The following ABCA13 variants were observed in gnomAD, a reference collection of about 807,000 sequenced individuals.
ABCA13 encodes ATP binding cassette subfamily A member 13.
In ABCA13, 476 loss-of-function variants were observed where a neutral mutation model predicts 478.7. The ratio of observed to expected loss-of-function variants is 0.99; its 90% CI spans 0.92 to 1.07. The LOEUF (loss-of-function observed/expected upper bound fraction) is 1.07, where lower values mean the gene tolerates loss of function less well. Ranked by LOEUF, ABCA13 falls within the 50% of genes least tolerant of loss-of-function variation. The pLI is 0.00. For missense variants in ABCA13, 6,060 were observed against 5,910.6 expected (o/e 1.03, Z -0.83); for synonymous variants, 2,252 against 2,158.9 (o/e 1.04, Z -1.20).
intron 41 of ABCA13, among the ~76,000 whole-genome samples, chr7:48,414,224 C>T (rs770840518): frequency 8.5e-5 from 13 of 152,200 alleles, no homozygotes; most frequent in Non-Finnish European, 1.8e-4. Context: ...GCCTCTGCAG[C>T]GGATTCCCAG....
Position 48,338,319 on chromosome 7 carries a change from C to T in ABCA13, c.10114-46C>T, listed in dbSNP as rs200139503. The T allele has an allele frequency of 1.6e-3, 2,169 of 1,344,156 alleles. 18 individuals carry two copies. Among genetic ancestry groups the T allele is most frequent in the Non-Finnish European group, 1.7e-3 (1,648 of 981,058 alleles). The allele number at this position is 1,344,156 out of a possible 1,614,324, so 83.3% of individuals were successfully genotyped here. The stretch of plus-strand genomic sequence containing the variant: ...GTCTAATAAGTATTATTCAATAATA[C>T]GAAATAATGCAATTATTTTTATTAA... On this transcript the variant is annotated intron_variant, in intron 28 of 61. Transcript: ENST00000435803.
chr7:48,622,090 C>T (rs928762338), intron 59 of ABCA13, among the ~76,000 whole-genome samples: 7 of 152,092 alleles, frequency 4.6e-5, no homozygotes, highest in African/African-American at 1.7e-4. Context: ...CCCTTATGAC[C>T]CTCTGGCCTA....
At chr7:48,433,163 A>G (rs954320795) in intron 42 of ABCA13, among the ~76,000 whole-genome samples, 21 of 151,996 alleles carry the variant, frequency 1.4e-4, no homozygotes, top group African/African-American at 4.8e-4. Context: ...TGTGCATTCA[A>G]ACACATACAT....
intron 8 of ABCA13, among the ~76,000 whole-genome samples, chr7:48,235,928 C>T (rs1584360169): frequency 6.6e-6 from 1 of 151,668 alleles, no homozygotes; most frequent in South Asian, 2.1e-4. Flanking sequence ...ATTATTTTTC[C>T]AATTGTAGGC....
At chr7:48,249,861 T>C (rs578147868) in intron 15 of ABCA13, among the ~76,000 whole-genome samples, 145 of 152,350 alleles carry the variant, frequency 9.5e-4, no homozygotes, top group Non-Finnish European at 1.9e-3. Flanking sequence ...CACTTCTCCA[T>C]TGACACTAAC....
At chr7:48,312,237 A>G (rs1271183912) in intron 24 of ABCA13, among the ~76,000 whole-genome samples, 1 of 152,258 alleles carries the variant, frequency 6.6e-6, no homozygotes, top group Non-Finnish European at 1.5e-5. Context: ...CCTGGAAAAC[A>G]GAAAATTCAA....
chr7:48,564,252 A>G (rs1786787823), intron 55 of ABCA13, among the ~76,000 whole-genome samples: 1 of 150,656 alleles, frequency 6.6e-6, no homozygotes, highest in African/African-American at 2.5e-5. Context: ...AAATAATAAT[A>G]ACCTCAATTT....
At chr7:48,343,169 A>G (rs758276609) in intron 29 of ABCA13, among the ~76,000 whole-genome samples, 46 of 151,970 alleles carry the variant, frequency 3.0e-4, no homozygotes, top group Non-Finnish European at 6.0e-4. Context: ...TTGAAACCAG[A>G]CATTATAAAT....
intron 28 of ABCA13, among the ~76,000 whole-genome samples, chr7:48,335,741 G>A (rs944796164): frequency 1.3e-5 from 2 of 152,186 alleles, no homozygotes; most frequent in African/African-American, 4.8e-5. Flanking sequence ...GTATCGTTGT[G>A]AGAATGATTA....
At chr7:48,596,490 A>G (rs1270116769) in intron 58 of ABCA13, among the ~76,000 whole-genome samples, 2 of 152,138 alleles carry the variant, frequency 1.3e-5, no homozygotes, top group Non-Finnish European at 2.9e-5. Context: ...ACCTCCCCCA[A>G]ATTTTCTCAT....
chr7:48,274,297 G>C lies in ABCA13; in HGVS notation c.4631G>C (p.Trp1544Ser). 6.2e-7 allele frequency: 1 copy of C among 1,613,158 alleles called. No homozygotes were observed. The change falls in exon 17 of 62, where the codon TGG (tryptophan) becomes TCG (serine). Residue 1544 changes from tryptophan to serine, a missense_variant. Physicochemically the swap from Trp to Ser is radical, Grantham distance 177. Around this residue, in one of 3 missense-constraint regions of ABCA13, gnomAD observed 4,423 missense variants for 4,309.1 expected, o/e 1.03. Coordinates refer to ENST00000435803, the MANE Select transcript of ABCA13 (RefSeq NM_152701.5). ...ATTCCTAATCAGTTTCAAAATATTT[G>C]GCTTCATTTAATAACACTGGGGAAG... ...DEIPNQFQNI[W>S]LHLITLGKEF...
intron 55 of ABCA13, among the ~76,000 whole-genome samples, chr7:48,551,244 G>T (rs1355897559): frequency 2.0e-5 from 3 of 149,610 alleles, no homozygotes; most frequent in Non-Finnish European, 4.4e-5. Flanking sequence ...AAAACCCTTG[G>T]TATATGGCTA....
intron 41 of ABCA13, among the ~76,000 whole-genome samples, chr7:48,412,968 C>T (rs1299204254): frequency 3.3e-5 from 5 of 151,568 alleles, no homozygotes; most frequent in African/African-American, 7.3e-5. Flanking sequence ...CCCGCCACCA[C>T]GCCTGGCTAA....
intron 1 of ABCA13, among the ~76,000 whole-genome samples, chr7:48,182,713 C>G (rs1795853099): frequency 6.6e-6 from 1 of 152,182 alleles, no homozygotes; most frequent in Non-Finnish European, 1.5e-5. Context: ...CTGTCAGTAT[C>G]CAACTAACTA....
chr7:48,322,367 C>G (rs1227866363), intron 27 of ABCA13, among the ~76,000 whole-genome samples: 1 of 152,218 alleles, frequency 6.6e-6, no homozygotes, highest in Non-Finnish European at 1.5e-5. Flanking sequence ...GCAGCCCACA[C>G]ATACCTGGAA....
rs201148759 is a variant in ABCA13, at chr7:48,278,106, A to G, written c.6912A>G (p.Lys2304=). 1.2e-5 allele frequency: 16 copies of G among 1,299,872 alleles called. No homozygotes were observed. The highest frequency in any genetic ancestry group is 1.6e-5 in the Non-Finnish European group (16 of 984,574). The allele number at this position is 1,299,872 out of a possible 1,614,324, so 80.5% of individuals were successfully genotyped here. A position where few individuals can be genotyped will look rare whatever the true frequency, so the allele number is the denominator to read the frequency against. ...TATATATTTACAGTTTTGTCCCAAA[A>G]GATAAAATTCTAGAAATTCTGAAAC... The part of the protein sequence containing the change: ...DVIAEMSFVP[K]DKILEILKLD... The change falls in exon 18 of 62, where the codon AAA becomes AAG. Residue 2304 remains lysine, a synonymous_variant. Coordinates refer to ENST00000435803, the MANE Select transcript of ABCA13 (RefSeq NM_152701.5).
intron 19 of ABCA13, among the ~76,000 whole-genome samples, chr7:48,285,517 G>A (rs34967126): frequency 0.55 from 83,389 of 152,052 alleles, 23,158 homozygotes; most frequent in East Asian, 0.77. Context: ...GCACATGGAG[G>A]CCAGATGGCC....
At chr7:48,415,407 C>T (rs139556669) in intron 41 of ABCA13, among the ~76,000 whole-genome samples, 254 of 152,192 alleles carry the variant, frequency 1.7e-3, no homozygotes, top group African/African-American at 5.8e-3. Context: ...CGGGTTAATC[C>T]GGTTGTTTAC....
intron 34 of ABCA13, among the ~76,000 whole-genome samples, 200 bp downstream of exon 34, chr7:48,374,616 TG>T (rs1403608838): frequency 6.6e-6 from 1 of 152,234 alleles, no homozygotes; most frequent in Admixed American, 6.5e-5. Context: ...AGAATAATCA[TG>T]GCATCCCTTG....
Sources: allele counts gnomAD v4.1 joint callset (sites outside exome capture counted in the v4.1 genomes callset), GRCh38; gene constraint gnomAD v4.1.1; regional missense constraint gnomAD v4.1.1; transcripts MANE v1.5; gene names NCBI Gene and HGNC (gene_info 2026-07-23, HGNC 2026-07-21).